The following LARGE1 variants were observed in gnomAD, a reference collection of about 807,000 sequenced individuals.
The protein encoded by LARGE1 is xylosyl- and glucuronyltransferase LARGE1.
LARGE1 carries 43 observed loss-of-function variants against 87.6 expected under a neutral mutation model. That is an observed-to-expected ratio of 0.49 (90% CI 0.38 to 0.63). LARGE1 has a LOEUF of 0.63. Among genes scored for constraint, LARGE1 ranks in the 30% least tolerant of loss-of-function variants. LARGE1 has a pLI of 0.00. For synonymous variants in LARGE1, 434 were observed against 394.6 expected, an observed-to-expected ratio of 1.10 and a Z score of -1.18; for missense variants, 802 against 1,000.2, an observed-to-expected ratio of 0.80 and a Z score of 2.67.
chr22:33,885,267 T>C (rs2064813330), intron 1 of LARGE1, among the ~76,000 whole-genome samples: 1 of 152,208 alleles, frequency 6.6e-6, no homozygotes, highest in Non-Finnish European at 1.5e-5. Context: ...TATAATTACA[T>C]TGCTACTGAG....
intron 6 of LARGE1, among the ~76,000 whole-genome samples, chr22:33,524,928 G>C (rs567367629): frequency 3.3e-4 from 51 of 152,272 alleles, no homozygotes; most frequent in South Asian, 1.9e-3. Context: ...AAGAAACCAG[G>C]CAAGAGAGAT....
intron 1 of LARGE1, among the ~76,000 whole-genome samples, chr22:33,820,045 A>C (rs1016106437): frequency 1.3e-5 from 2 of 152,180 alleles, no homozygotes; most frequent in Non-Finnish European, 2.9e-5. Flanking sequence ...TGTGGAGCAG[A>C]GACACCTCCC....
At chr22:33,090,188 G>A in the LARGE1 span, among the ~76,000 whole-genome samples, 1 of 152,196 alleles carries the variant, frequency 6.6e-6, no homozygotes, top group Admixed American at 6.6e-5. Context: ...CTGGGTGACA[G>A]AGCAAGACTC....
intron 1 of LARGE1, among the ~76,000 whole-genome samples, chr22:33,873,809 T>C (rs972093675): frequency 5.3e-5 from 8 of 151,626 alleles, no homozygotes; most frequent in Non-Finnish European, 8.8e-5. Context: ...CCCACTTGGG[T>C]CCTGCCCTGC....
chr22:33,876,072 G>A (rs574000630), intron 1 of LARGE1, among the ~76,000 whole-genome samples: 2 of 152,320 alleles, frequency 1.3e-5, no homozygotes, highest in South Asian at 4.2e-4. Context: ...GGTCAAGAAT[G>A]CAGGCTTTGG....
intron 2 of LARGE1, among the ~76,000 whole-genome samples, chr22:33,691,709 A>G (rs16992807): frequency 0.02 from 2,977 of 152,308 alleles, 108 homozygotes; most frequent in African/African-American, 0.068. Flanking sequence ...AAGGCCATGA[A>G]TCCACTTAAC....
intron 6 of LARGE1, among the ~76,000 whole-genome samples, chr22:33,539,934 T>C (rs1239137092): frequency 1.3e-5 from 2 of 152,094 alleles, no homozygotes; most frequent in Non-Finnish European, 2.9e-5. Context: ...TTGAAGTTCT[T>C]CTGACCCGGG....
chr22:33,126,356 A>C, the LARGE1 span, among the ~76,000 whole-genome samples: 3 of 152,008 alleles, frequency 2.0e-5, no homozygotes, highest in African/African-American at 7.3e-5. Context: ...ATGAAGAGTC[A>C]CTCTCTGATT....
rs184437711 is a variant in LARGE1 at position 33,233,206 on chromosome 22, G to T, written c.1731-66374C>A. On this transcript the variant is annotated intron_variant, in intron 11 of 11. Transcript: ENST00000608642. ...GGGAGAGAGAGAACAGAATGAGTGT[G>T]GAGGAGAGGTAACTTCCGGGTATAG... is the stretch of plus-strand genomic sequence containing the variant. Among the ~76,000 whole-genome samples, 738 of 152,202 alleles carry T rather than the reference G, an allele frequency of 4.8e-3. 8 individuals are homozygous for T. The highest frequency in any genetic ancestry group is 0.017 in the African/African-American group (698 of 41,512).
At chr22:33,680,841 G>A (rs576405870) in intron 2 of LARGE1, among the ~76,000 whole-genome samples, 16 of 152,108 alleles carry the variant, frequency 1.1e-4, no homozygotes, top group African/African-American at 3.9e-4. Flanking sequence ...TTATGTTGTG[G>A]GAAATGTCAT....
rs566419470 is a variant in LARGE1 at position 33,492,176 on chromosome 22, A to G, written c.788-59911T>C. On this transcript the variant is annotated intron_variant, in intron 6 of 14. Coordinates refer to ENST00000397394, the MANE Select transcript of LARGE1 (RefSeq NM_133642.5). ...TGGCAGGTGACAGATGAGCCAATGC[A>G]TCACTGAGGGAGATGCAAGGGAGGC... 2.0e-5 allele frequency among the ~76,000 whole-genome samples: 3 copies of G among 152,340 alleles called. No homozygotes were observed. In the East Asian group the frequency reaches 5.8e-4, roughly 29 times the overall value.
At chr22:33,070,731 G>A in the LARGE1 span, among the ~76,000 whole-genome samples, 1 of 152,200 alleles carries the variant, frequency 6.6e-6, no homozygotes, top group Non-Finnish European at 1.5e-5. Flanking sequence ...TCTGGCGGAG[G>A]TGGTGTCTGA....
Position 33,230,681 on chromosome 22 carries a change from G to A in LARGE1, c.1731-63849C>T, listed in dbSNP as rs1426554663. On this transcript the variant is annotated intron_variant, in intron 11 of 11. Coordinates refer to the LARGE1 transcript ENST00000608642. ...TGGGTGGGTTATTGGACTGGCCCAT[G>A]GGGCCTTAATGGTGGACACACAGTT... Among the ~76,000 whole-genome samples, 5 of 133,832 alleles carry A rather than the reference G, an allele frequency of 3.7e-5. No individual in the cohort carries two copies. In the East Asian group the frequency reaches 1.0e-3, roughly 27 times the overall value. 87.8% of individuals were successfully genotyped at this position (133,832 alleles called of 152,430 possible).
At chr22:33,734,670 GT>G (rs1483784886) in intron 2 of LARGE1, among the ~76,000 whole-genome samples, 3 of 152,122 alleles carry the variant, frequency 2.0e-5, no homozygotes, top group Non-Finnish European at 4.4e-5. Flanking sequence ...AGGGAGAGGA[GT>G]TTGGGGTTCA....
chr22:33,089,661 T>C, the LARGE1 span, among the ~76,000 whole-genome samples: 1 of 151,976 alleles, frequency 6.6e-6, no homozygotes, highest in Middle Eastern at 3.4e-3. Flanking sequence ...CACATTCAGC[T>C]AATTTTTAAA....
chr22:33,388,100 A>G (rs1342795224), intron 7 of LARGE1, among the ~76,000 whole-genome samples: 1 of 152,144 alleles, frequency 6.6e-6, no homozygotes, highest in East Asian at 1.9e-4. Flanking sequence ...CTTTTCACCC[A>G]CTGTTATGTC....
chr22:33,502,245 C>T (rs1218850640), intron 6 of LARGE1, among the ~76,000 whole-genome samples: 1 of 151,786 alleles, frequency 6.6e-6, no homozygotes, highest in Non-Finnish European at 1.5e-5. Flanking sequence ...TGACACACTC[C>T]CCAGGCAGTG....
chr22:33,165,486 G>C (rs1330117132), exon 12 of LARGE1: 1 of 152,208 alleles, frequency 6.6e-6, no homozygotes, highest in Non-Finnish European at 1.5e-5. Context: ...CCACTCACCA[G>C]TTTGATTCCT....
intron 2 of LARGE1, among the ~76,000 whole-genome samples, chr22:33,678,945 G>T (rs2081662329): frequency 6.6e-6 from 1 of 152,218 alleles, no homozygotes; most frequent in Non-Finnish European, 1.5e-5. Context: ...GCTTAACCCT[G>T]AGTGTGTAGC....
Sources: allele counts gnomAD v4.1 joint callset (sites outside exome capture counted in the v4.1 genomes callset), GRCh38; gene constraint gnomAD v4.1.1; transcripts MANE v1.5; gene names NCBI Gene and HGNC (gene_info 2026-07-23, HGNC 2026-07-21).